Variants in SNAP91 observed in about 807,000 individuals in gnomAD.
SNAP91 encodes synaptosome associated protein 91, also known as clathrin coat assembly protein AP180.
SNAP91 carries 27 observed loss-of-function variants against 100.3 expected under a neutral mutation model. The observed-to-expected ratio is 0.27, with a 90% CI of 0.20 to 0.37. The LOEUF (loss-of-function observed/expected upper bound fraction) is 0.37. Among genes scored for constraint, SNAP91 ranks in the 10% least tolerant of loss-of-function variants. SNAP91 has a pLI of 1.00. For missense variants in SNAP91, 986 were observed against 1,123.7 expected (o/e 0.88, Z 1.75); for synonymous variants, 404 against 398.6 (o/e 1.01, Z -0.16).
intron 2 of SNAP91, among the ~76,000 whole-genome samples, chr6:83,666,595 T>C (rs1205948670): frequency 6.6e-6 from 1 of 152,144 alleles, no homozygotes; most frequent in Non-Finnish European, 1.5e-5. Flanking sequence ...ATTTTATGCA[T>C]TGCATTTCTC....
At chr6:83,698,762 T>C (rs1451102329) in intron 2 of SNAP91, among the ~76,000 whole-genome samples, 2 of 152,186 alleles carry the variant, frequency 1.3e-5, no homozygotes, top group East Asian at 1.9e-4. Context: ...CAATATATGT[T>C]TCAGAGTTCA....
chr6:83,554,984 T>C (rs1464841958), intron 29 of SNAP91, among the ~76,000 whole-genome samples: 1 of 152,182 alleles, frequency 6.6e-6, no homozygotes, highest in African/African-American at 2.4e-5. Flanking sequence ...CAAGCATATC[T>C]GTTTCCTGTA....
At chr6:83,638,990 T>G (rs1225559203) in intron 8 of SNAP91, among the ~76,000 whole-genome samples, 3 of 152,218 alleles carry the variant, frequency 2.0e-5, no homozygotes, top group South Asian at 2.1e-4. Context: ...AGACTTCAGA[T>G]AAGAATATAA....
At chr6:83,640,908 T>C (rs2097670932) in intron 8 of SNAP91, among the ~76,000 whole-genome samples, 188 bp downstream of exon 8, 2 of 152,112 alleles carry the variant, frequency 1.3e-5, no homozygotes, top group Non-Finnish European at 2.9e-5. Flanking sequence ...GAGTACAGAG[T>C]ACAGCTCTGA....
chr6:83,697,480 T>C (rs73486977), intron 2 of SNAP91, among the ~76,000 whole-genome samples: 4,347 of 152,180 alleles, frequency 0.029, 76 homozygotes, highest in East Asian at 0.058. Flanking sequence ...CCAAAAATTA[T>C]GGATATAATT....
intron 2 of SNAP91, among the ~76,000 whole-genome samples, chr6:83,681,227 T>C (rs2098985052): frequency 6.6e-6 from 1 of 152,162 alleles, no homozygotes; most frequent in Admixed American, 6.6e-5. Context: ...TCTGAAGCAA[T>C]TGTAGGTTCC....
At chr6:83,679,195 T>C (rs185101277) in intron 2 of SNAP91, among the ~76,000 whole-genome samples, 21 of 152,234 alleles carry the variant, frequency 1.4e-4, no homozygotes, top group Admixed American at 1.3e-3. Flanking sequence ...ACAGGTTATA[T>C]GGAAACACTA....
intron 8 of SNAP91, among the ~76,000 whole-genome samples, chr6:83,625,616 G>T (rs1003203558): frequency 6.6e-6 from 1 of 152,058 alleles, no homozygotes; most frequent in Admixed American, 6.6e-5. Context: ...GTTTTGATTC[G>T]CATTTCTCTG....
chr6:83,627,652 T>C (rs11966963), intron 8 of SNAP91, among the ~76,000 whole-genome samples: 4,040 of 152,084 alleles, frequency 0.027, 174 homozygotes, highest in African/African-American at 0.09. Flanking sequence ...GTTTTCGTAG[T>C]AGTCTAGAGG....
chr6:83,588,128 C>T (rs1326564421), intron 22 of SNAP91, among the ~76,000 whole-genome samples: 1 of 152,128 alleles, frequency 6.6e-6, no homozygotes, highest in African/African-American at 2.4e-5. Context: ...TGCATCCAAC[C>T]CCTTATATCA....
intron 12 of SNAP91, among the ~76,000 whole-genome samples, chr6:83,609,005 T>C (rs1363309733): frequency 2.0e-5 from 3 of 152,116 alleles, no homozygotes; most frequent in African/African-American, 4.8e-5. Flanking sequence ...TGAGAAATCC[T>C]CTAAGAAAAG....
At chr6:83,682,172 C>CTTTTTT (rs59549595) in intron 2 of SNAP91, among the ~76,000 whole-genome samples, 1 of 123,500 alleles carries the variant, frequency 8.1e-6, no homozygotes. Flanking sequence ...TTCTTTAATT[C>CTTTTTT]TTTTTTTTTT....
intron 2 of SNAP91, among the ~76,000 whole-genome samples, chr6:83,699,224 A>G (rs182932348): frequency 6.6e-6 from 1 of 152,324 alleles, no homozygotes; most frequent in African/African-American, 2.4e-5. Context: ...TCAGGCAAAA[A>G]CAATAGAAAC....
intron 2 of SNAP91, among the ~76,000 whole-genome samples, chr6:83,703,157 TG>T (rs141924090): frequency 0.19 from 28,309 of 148,948 alleles, 3,384 homozygotes; most frequent in East Asian, 0.42. Flanking sequence ...TGAGAGGGTG[TG>T]TTTTTTTTTT....
In SNAP91 at chr6:83,593,028, T is replaced by C; in HGVS notation, c.1775-11A>G. ...GAGAGGAGAAAGCATCTTCCAAAAG[T>C]GAAACAAACCAAAACCAAGCAGAGG... is the stretch of plus-strand genomic sequence containing the variant. On this transcript the variant is annotated splice_polypyrimidine_tract_variant and intron_variant, in intron 19 of 29. Coordinates refer to ENST00000369694, the MANE Select transcript of SNAP91 (RefSeq NM_001242792.2). The C allele has an allele frequency of 1.9e-6, 3 of 1,571,598 alleles. No individual in the cohort carries two copies. Among genetic ancestry groups the C allele is most frequent in the Non-Finnish European group, 2.6e-6 (3 of 1,158,050 alleles).
Position 83,616,965 on chromosome 6 carries a change from G to A in SNAP91, c.878+4C>T, listed in dbSNP as rs368295425. 2.0e-5 allele frequency: 31 copies of A among 1,528,674 alleles called. No individual in the cohort carries two copies. The highest frequency in any genetic ancestry group is 4.9e-5 in the East Asian group (2 of 40,622). The allele number at this position is 1,528,674 out of a possible 1,614,324, so 94.7% of individuals were successfully genotyped here. A position where few individuals can be genotyped will look rare whatever the true frequency, so the allele number is the denominator to read the frequency against. On this transcript the variant is annotated splice_donor_region_variant and intron_variant, in intron 10 of 29. Transcript: ENST00000369694. ...CTTATTTAGAATATACAACTAATGCGTACTTGTTTCCAGGTTTCTTTCCTT... is the reference window on the plus strand; with the variant it reads ...CTTATTTAGAATATACAACTAATGCATACTTGTTTCCAGGTTTCTTTCCTT...
At chr6:83,563,584 TC>T (rs1791825431) in intron 26 of SNAP91, among the ~76,000 whole-genome samples, 3 of 152,144 alleles carry the variant, frequency 2.0e-5, no homozygotes, top group Admixed American at 2.0e-4. Flanking sequence ...GATGGCACAA[TC>T]TTTCTTTTAT....
At chr6:83,570,549 G>A (rs917978286) in intron 26 of SNAP91, among the ~76,000 whole-genome samples, 12 of 139,396 alleles carry the variant, frequency 8.6e-5, no homozygotes, top group East Asian at 7.1e-4. Flanking sequence ...GGAGGTTTAC[G>A]GGGTGGCGGG....
chr6:83,705,258 A>AT (rs971258819), intron 2 of SNAP91, among the ~76,000 whole-genome samples: 2 of 152,126 alleles, frequency 1.3e-5, no homozygotes, highest in African/African-American at 4.8e-5. Context: ...GTTTTTGGTC[A>AT]TTTTTTTATG....
Sources: gnomAD v4.1 joint callset for allele counts (sites outside exome capture counted in the v4.1 genomes callset) on GRCh38, gnomAD v4.1.1 for gene constraint, MANE v1.5 for transcripts, NCBI Gene and HGNC (gene_info 2026-07-23, HGNC 2026-07-21) for gene names.